The following DAB2IP variants were observed in gnomAD, a reference collection of about 807,000 sequenced individuals.
The protein encoded by DAB2IP is disabled homolog 2-interacting protein.
In DAB2IP, 28 loss-of-function variants were observed where a neutral mutation model predicts 107.2. The ratio of observed to expected loss-of-function variants is 0.26; its 90% CI spans 0.19 to 0.36. The LOEUF is 0.36. Ranked by LOEUF, DAB2IP falls within the 10% of genes least tolerant of loss-of-function variation. The probability of loss-of-function intolerance (pLI) is 1.00; values close to 1 mark genes in which losing one functional copy is unlikely to be tolerated. For missense variants in DAB2IP, 1,400 were observed against 1,644.7 expected, an observed-to-expected ratio of 0.85 and a Z score of 2.57; for synonymous variants, 755 against 706.4, an observed-to-expected ratio of 1.07 and a Z score of -1.09.
chr9:121,714,777 G>A (rs1830506220), intron 3 of DAB2IP, among the ~76,000 whole-genome samples: 1 of 152,232 alleles, frequency 6.6e-6, no homozygotes, highest in African/African-American at 2.4e-5. Flanking sequence ...TGAAGGCAGT[G>A]AGAGCCCAGA....
intron 1 of DAB2IP, among the ~76,000 whole-genome samples, chr9:121,611,381 C>G (rs1192792597): frequency 1.3e-5 from 2 of 152,070 alleles, no homozygotes; most frequent in African/African-American, 4.8e-5. Flanking sequence ...CGTTCCCACC[C>G]CAAGGAAGCT....
chr9:121,702,125 A>C lies in DAB2IP; in HGVS notation c.362+2667A>C, dbSNP rs576704796. Among the ~76,000 whole-genome samples, 1 of 152,136 alleles carries C rather than the reference A, an allele frequency of 6.6e-6. No individual in the cohort carries two copies. The highest frequency in any genetic ancestry group is 1.5e-5 in the Non-Finnish European group (1 of 68,022). On this transcript the variant is annotated intron_variant, in intron 3 of 15. Transcript: ENST00000408936. The surrounding 1 kb of genome is among the most constrained non-coding windows in gnomAD (Gnocchi z 4.5). ...TTGAGTTCTGACTTTGGATGAATCTATCTGGTTTATATGGCTGCTGAAGAG... is the reference window on the plus strand; with the variant it reads ...TTGAGTTCTGACTTTGGATGAATCTCTCTGGTTTATATGGCTGCTGAAGAG...
chr9:121,699,408 C>A lies in DAB2IP; in HGVS notation c.312C>A (p.His104Gln), dbSNP rs775911614. 5 of 1,473,414 alleles carry A rather than the reference C, an allele frequency of 3.4e-6. No individual in the cohort carries two copies. In the East Asian group the frequency reaches 1.2e-4, roughly 35 times the overall value. 91.3% of individuals were successfully genotyped at this position (1,473,414 alleles called of 1,614,324 possible). The stretch of plus-strand genomic sequence containing the variant: ...TGGACCGCAACCACAGCTTCCGCCA[C>A]ATCCTGCCGGGGTTCCGGAGCGCCG... The change falls in exon 3 of 16, where the codon CAC becomes CAA. Residue 104 changes from histidine to glutamine, a missense_variant. His to Gln is a conservative substitution (Grantham distance 24). Coordinates refer to ENST00000408936, the Ensembl canonical transcript of DAB2IP. This position sits in a 1 kb window ranked among gnomAD's most constrained non-coding sequence, Gnocchi z 6.2.
intron 1 of DAB2IP, among the ~76,000 whole-genome samples, chr9:121,676,972 A>G (rs1833943557): frequency 6.6e-6 from 1 of 152,228 alleles, no homozygotes; most frequent in African/African-American, 2.4e-5. Context: ...CATGACTAAA[A>G]GTTTTCAATG....
chr9:121,701,320 C>G lies in DAB2IP; in HGVS notation c.362+1862C>G, dbSNP rs1042815004. ...GAGGTCGGGGCATGGCCAAGACGAC[C>G]TCGTGCGGGTCCTGCCCCACTTGGC... On this transcript the variant is annotated intron_variant, in intron 3 of 15. Transcript: ENST00000408936. This position sits in a 1 kb window ranked among gnomAD's most constrained non-coding sequence, Gnocchi z 4.7. Among the ~76,000 whole-genome samples, 4 of 152,200 alleles carry G rather than the reference C, an allele frequency of 2.6e-5. No homozygotes were observed. Among genetic ancestry groups the G allele is most frequent in the Admixed American group, 2.0e-4 (3 of 15,288 alleles).
chr9:121,759,930 G>A, exon 6 of DAB2IP: 1 of 1,614,058 alleles, frequency 6.2e-7, no homozygotes, highest in Non-Finnish European at 8.5e-7. Context: ...GTGGGTGATC[G>A]AGGCCAAGGA....
intron 1 of DAB2IP, among the ~76,000 whole-genome samples, chr9:121,616,631 G>A (rs776337644): frequency 6.6e-6 from 1 of 152,226 alleles, no homozygotes; most frequent in Non-Finnish European, 1.5e-5. Context: ...GCTCCTGACT[G>A]TGGAACTGGG....
intron 2 of DAB2IP, among the ~76,000 whole-genome samples, chr9:121,685,943 C>T (rs933977710): frequency 4.6e-5 from 7 of 152,150 alleles, no homozygotes; most frequent in African/African-American, 1.4e-4. Context: ...AAGAGATCCA[C>T]GGCAGTGAAC....
chr9:121,738,492 C>A (rs1211725673), intron 3 of DAB2IP, among the ~76,000 whole-genome samples: 1 of 152,142 alleles, frequency 6.6e-6, no homozygotes, highest in Admixed American at 6.5e-5. Context: ...AATGTGTTTT[C>A]CTCCTCCCTA....
At chr9:121,763,997 C>T in intron 8 of DAB2IP, 118 bp downstream of exon 8, 1 of 1,389,166 alleles carries the variant, frequency 7.2e-7, no homozygotes, top group Non-Finnish European at 9.8e-7. Flanking sequence ...ACTTGCCAGT[C>T]CCCTGGCCTA....
intron 1 of DAB2IP, among the ~76,000 whole-genome samples, chr9:121,642,025 C>CTTTCTTTCTTTCTTTCTT (rs1274054146): frequency 2.2e-3 from 24 of 10,860 alleles, no homozygotes; most frequent in East Asian, 0.018. Context: ...CTCTCTCTCT[C>CTTTCTTTCTTTCTTTCTT]TCTCTCTTTC....
At chr9:121,722,608 T>A (rs1355623837) in intron 3 of DAB2IP, among the ~76,000 whole-genome samples, 4 of 152,118 alleles carry the variant, frequency 2.6e-5, no homozygotes, top group African/African-American at 9.7e-5. Flanking sequence ...TCCCACTGAC[T>A]GGTAGAGTAG....
Position 121,642,035 on chromosome 9 carries a change from CTTTCTT to C in DAB2IP, c.41-36641_41-36636del, listed in dbSNP as rs773323725. On this transcript the variant is annotated intron_variant, in intron 1 of 16. Transcript: ENST00000259371. ...TCTCTCTCTCTCTCTCTCTCTCTTTCTTTCTTTCTTTCTTTCTTTCTTTCTTTCTTT... is the reference window on the plus strand; with the variant it reads ...TCTCTCTCTCTCTCTCTCTCTCTTTCTCTTTCTTTCTTTCTTTCTTTCTTT... 1.2e-3 allele frequency among the ~76,000 whole-genome samples: 45 copies of C among 38,022 alleles called. 3 individuals are homozygous for C. Among genetic ancestry groups the C allele is most frequent in the East Asian group, 4.4e-3 (4 of 918 alleles). 24.9% of individuals were successfully genotyped at this position (38,022 alleles called of 152,430 possible).
At chr9:121,722,470 A>C (rs1202320120) in intron 3 of DAB2IP, among the ~76,000 whole-genome samples, 1 of 152,008 alleles carries the variant, frequency 6.6e-6, no homozygotes, top group Non-Finnish European at 1.5e-5. Flanking sequence ...TCCATATTTG[A>C]GTTTCTTCTA....
At chr9:121,620,726 T>G (rs953011862) in intron 1 of DAB2IP, among the ~76,000 whole-genome samples, 8 of 152,160 alleles carry the variant, frequency 5.3e-5, no homozygotes, top group Admixed American at 5.2e-4. Flanking sequence ...TGTTTCTCTA[T>G]TGAGACTTCT....
At chr9:121,779,778 C>A (rs535085579) in intron 14 of DAB2IP, among the ~76,000 whole-genome samples, 1 of 152,330 alleles carries the variant, frequency 6.6e-6, no homozygotes, top group Non-Finnish European at 1.5e-5. Context: ...CATCTGCATG[C>A]GGATATTATT....
At chr9:121,686,093 G>A (rs144255849) in intron 2 of DAB2IP, among the ~76,000 whole-genome samples, 259 of 152,314 alleles carry the variant, frequency 1.7e-3, no homozygotes, top group East Asian at 3.1e-3. Context: ...CTCCTTCAGT[G>A]GGCAGAGACC....
At chr9:121,627,341 C>A (rs558451655) in intron 1 of DAB2IP, among the ~76,000 whole-genome samples, 8 of 152,020 alleles carry the variant, frequency 5.3e-5, no homozygotes, top group African/African-American at 1.9e-4. Flanking sequence ...CAACCAGGCC[C>A]CCTGTGATGG....
intron 1 of DAB2IP, among the ~76,000 whole-genome samples, chr9:121,674,625 C>T (rs1339044867): frequency 6.6e-6 from 1 of 152,110 alleles, no homozygotes; most frequent in Non-Finnish European, 1.5e-5. Context: ...GTTGAGGGAT[C>T]ACACACACAT....
Sources: allele counts gnomAD v4.1 joint callset (sites outside exome capture counted in the v4.1 genomes callset), GRCh38; gene constraint gnomAD v4.1.1; non-coding constraint Gnocchi (gnomAD v3.1); transcripts MANE v1.5; gene names NCBI Gene and HGNC (gene_info 2026-07-23, HGNC 2026-07-21).